Variants in VTI1A observed in about 807,000 individuals in gnomAD.
VTI1A encodes the protein vesicle transport through interaction with t-SNAREs homolog 1A.
A neutral mutation model predicts 34.9 loss-of-function variants in VTI1A; 22 were observed. That is an observed-to-expected ratio of 0.63 (90% confidence interval 0.45 to 0.90). The LOEUF (loss-of-function observed/expected upper bound fraction) is 0.90, where lower values mean the gene tolerates loss of function less well. VTI1A is among the 40% of genes least tolerant of loss of function. VTI1A has a pLI of 0.00. For missense variants in VTI1A, 268 were observed against 275.6 expected (o/e 0.97, Z 0.20); for synonymous variants, 87 against 97.3 (o/e 0.89, Z 0.62).
chr10:112,455,841 A>G (rs1483781616), intron 1 of VTI1A, among the ~76,000 whole-genome samples: 1 of 152,098 alleles, frequency 6.6e-6, no homozygotes, highest in Non-Finnish European at 1.5e-5. Flanking sequence ...AAAATGATCT[A>G]ATTGTGTTAA....
chr10:112,611,411 A>G (rs1042448648), intron 5 of VTI1A, among the ~76,000 whole-genome samples: 3 of 152,200 alleles, frequency 2.0e-5, no homozygotes, highest in South Asian at 2.1e-4. Context: ...CATGCTTCCA[A>G]TACGGCAGTT....
intron 7 of VTI1A, among the ~76,000 whole-genome samples, chr10:112,689,647 C>T (rs932942128): frequency 1.2e-4 from 18 of 152,078 alleles, no homozygotes; most frequent in African/African-American, 4.3e-4. Flanking sequence ...TGTATTTCCT[C>T]GGGGCAGCTA....
chr10:112,619,052 T>C (rs1465128588), intron 5 of VTI1A, among the ~76,000 whole-genome samples: 1 of 142,380 alleles, frequency 7.0e-6, no homozygotes, highest in South Asian at 2.2e-4. Flanking sequence ...CCTGGCACAT[T>C]AGTAAACACA....
intron 5 of VTI1A, among the ~76,000 whole-genome samples, chr10:112,658,232 C>T (rs1847309128): frequency 6.6e-6 from 1 of 152,076 alleles, no homozygotes; most frequent in African/African-American, 2.4e-5. Flanking sequence ...ATACCACAGG[C>T]ATGCCCCACC....
chr10:112,613,776 G>C (rs2134528600), intron 5 of VTI1A, among the ~76,000 whole-genome samples: 1 of 152,314 alleles, frequency 6.6e-6, no homozygotes, highest in African/African-American at 2.4e-5. Context: ...GCACTTCGTT[G>C]CCATGCCAGG....
At chr10:112,502,433 A>G (rs1849276807) in intron 3 of VTI1A, among the ~76,000 whole-genome samples, 1 of 152,190 alleles carries the variant, frequency 6.6e-6, no homozygotes, top group South Asian at 2.1e-4. Context: ...TATACCTGTG[A>G]CCTTCCAGTC....
At chr10:112,537,979 C>G (rs1850710581) in intron 4 of VTI1A, among the ~76,000 whole-genome samples, 1 of 152,096 alleles carries the variant, frequency 6.6e-6, no homozygotes, top group Non-Finnish European at 1.5e-5. Flanking sequence ...TCGTACTTTT[C>G]TCAGTATTTT....
chr10:112,568,798 G>GT (rs1852000811), intron 5 of VTI1A, among the ~76,000 whole-genome samples: 1 of 152,118 alleles, frequency 6.6e-6, no homozygotes, highest in Non-Finnish European at 1.5e-5. Context: ...CCCACTTTCT[G>GT]TAACTCTCCT....
At chr10:112,649,281 C>G (rs1261085444) in intron 5 of VTI1A, among the ~76,000 whole-genome samples, 1 of 152,132 alleles carries the variant, frequency 6.6e-6, no homozygotes, top group Non-Finnish European at 1.5e-5. Flanking sequence ...GAGCTGTTCA[C>G]CAGTTTCCTG....
chr10:112,629,448 T>C (rs187581882), intron 5 of VTI1A, among the ~76,000 whole-genome samples: 7 of 152,368 alleles, frequency 4.6e-5, no homozygotes, highest in Admixed American at 3.3e-4. Context: ...ACTGGAGGCT[T>C]ATCTGGGATT....
At chr10:112,594,480 C>A (rs1489521121) in intron 5 of VTI1A, among the ~76,000 whole-genome samples, 1 of 151,974 alleles carries the variant, frequency 6.6e-6, no homozygotes, top group Non-Finnish European at 1.5e-5. Context: ...GATACAAAAT[C>A]AATGTACAAA....
intron 5 of VTI1A, among the ~76,000 whole-genome samples, chr10:112,665,302 G>A (rs1211365700): frequency 2.2e-5 from 3 of 135,316 alleles, no homozygotes; most frequent in Non-Finnish European, 1.6e-5. Flanking sequence ...CCCACAGTGG[G>A]GGAAAAAAAA....
intron 7 of VTI1A, among the ~76,000 whole-genome samples, chr10:112,673,468 G>GCACACACA (rs150053497): frequency 0.098 from 14,787 of 151,624 alleles, 731 homozygotes; most frequent in Middle Eastern, 0.14. Context: ...GCGTGCGCGC[G>GCACACACA]CACACACACA....
intron 7 of VTI1A, among the ~76,000 whole-genome samples, chr10:112,719,099 T>C (rs1057198301): frequency 3.3e-5 from 5 of 152,226 alleles, no homozygotes; most frequent in African/African-American, 9.7e-5. Context: ...GGAAAGACTT[T>C]TATCTTTCAC....
At chr10:112,552,203 A>T (rs1851385184) in intron 5 of VTI1A, among the ~76,000 whole-genome samples, 1 of 152,216 alleles carries the variant, frequency 6.6e-6, no homozygotes, top group Non-Finnish European at 1.5e-5. Context: ...AAATTACCTT[A>T]TCTGAAATGG....
rs1445031050 is a variant in VTI1A, at chr10:112,698,264, T to G, written c.560+29266T>G. Among the ~76,000 whole-genome samples, 4 of 152,314 alleles carry G rather than the reference T, an allele frequency of 2.6e-5. No homozygotes were observed. The East Asian group carries it at 7.7e-4, about 29-fold the overall frequency. ...CTGAGTCTGTGGGCTATGCGGCTTC[T>G]CAGACCTTGAGACTTGGGTAATATG... On this transcript the variant is annotated intron_variant, in intron 7 of 7. Transcript: ENST00000393077.
At chr10:112,503,229 A>G (rs1471996954) in intron 3 of VTI1A, among the ~76,000 whole-genome samples, 1 of 152,014 alleles carries the variant, frequency 6.6e-6, no homozygotes, top group Non-Finnish European at 1.5e-5. Flanking sequence ...CTTACTGTAT[A>G]TTTGTACCCA....
At chr10:112,675,788 C>T (rs979327734) in intron 7 of VTI1A, among the ~76,000 whole-genome samples, 2 of 152,128 alleles carry the variant, frequency 1.3e-5, no homozygotes, top group South Asian at 2.1e-4. Flanking sequence ...TCTATGTATA[C>T]GTCCAGAGGC....
intron 5 of VTI1A, among the ~76,000 whole-genome samples, chr10:112,661,602 A>C (rs953257171): frequency 1.3e-5 from 2 of 152,060 alleles, no homozygotes; most frequent in Admixed American, 1.3e-4. Flanking sequence ...TTAATTTTTG[A>C]AGGCTATTAT....
Sources: allele counts gnomAD v4.1 joint callset (sites outside exome capture counted in the v4.1 genomes callset), GRCh38; gene constraint gnomAD v4.1.1; transcripts MANE v1.5; gene names NCBI Gene and HGNC (gene_info 2026-07-23, HGNC 2026-07-21).